PTPRT: variants seen among roughly 807,000 people sequenced by gnomAD.
The protein encoded by PTPRT is receptor-type tyrosine-protein phosphatase T.
Under a neutral mutation model 176.8 loss-of-function variants are expected in PTPRT, and 56 were observed. The observed-to-expected ratio is 0.32, with a 90% CI of 0.26 to 0.40. The LOEUF is 0.40. Among genes scored for constraint, PTPRT ranks in the 10% least tolerant of loss-of-function variants. PTPRT has a pLI of 1.00. For synonymous variants in PTPRT, 783 were observed against 739.0 expected (o/e 1.06, Z -0.96); for missense variants, 1,540 against 1,908.2 (o/e 0.81, Z 3.60).
chr20:42,549,440 G>T (rs1252644784), intron 7 of PTPRT, among the ~76,000 whole-genome samples: 1 of 152,106 alleles, frequency 6.6e-6, no homozygotes. Context: ...CAGTGGGGTT[G>T]GGGAGGGACA....
chr20:42,829,686 A>G (rs1356764798), intron 2 of PTPRT, among the ~76,000 whole-genome samples: 2 of 152,200 alleles, frequency 1.3e-5, no homozygotes, highest in Non-Finnish European at 2.9e-5. Flanking sequence ...TTTTTTGAAA[A>G]AGTTAATAAA....
At chr20:42,580,353 G>A (rs550745308) in intron 7 of PTPRT, among the ~76,000 whole-genome samples, 7 of 152,110 alleles carry the variant, frequency 4.6e-5, no homozygotes, top group South Asian at 2.1e-4. Context: ...CTCCAGCTTT[G>A]TTCTTTTGGC....
chr20:42,195,390 C>T (rs1410827770), intron 16 of PTPRT, among the ~76,000 whole-genome samples: 1 of 152,174 alleles, frequency 6.6e-6, no homozygotes, highest in Admixed American at 6.5e-5. Context: ...CAGTCACTTC[C>T]CTAATGCCAC....
At chr20:43,173,231 G>C (rs1415207346) in intron 1 of PTPRT, among the ~76,000 whole-genome samples, 2 of 152,148 alleles carry the variant, frequency 1.3e-5, no homozygotes, top group African/African-American at 4.8e-5. Context: ...TACCAAAAGG[G>C]CATGTTAGAA....
chr20:42,143,085 T>A (rs1193581868), intron 17 of PTPRT, among the ~76,000 whole-genome samples: 2 of 152,166 alleles, frequency 1.3e-5, no homozygotes, highest in Non-Finnish European at 2.9e-5. Flanking sequence ...CCAGATTATA[T>A]AAGACATTGC....
chr20:43,100,826 G>A (rs535387513), intron 1 of PTPRT, among the ~76,000 whole-genome samples: 10 of 152,284 alleles, frequency 6.6e-5, no homozygotes, highest in African/African-American at 1.4e-4. Context: ...CCTAGGCTAC[G>A]TTATGAAGAT....
chr20:43,130,420 A>AG (rs1476403055), intron 1 of PTPRT, among the ~76,000 whole-genome samples: 1 of 152,172 alleles, frequency 6.6e-6, no homozygotes, highest in Non-Finnish European at 1.5e-5. Flanking sequence ...TACCAATTCA[A>AG]GGGGAACTGT....
the PTPRT span, among the ~76,000 whole-genome samples, chr20:42,037,111 G>C: frequency 6.6e-6 from 1 of 152,136 alleles, no homozygotes; most frequent in Admixed American, 6.6e-5. Context: ...CTCACACATG[G>C]ATCAATTGTT....
intron 3 of PTPRT, among the ~76,000 whole-genome samples, chr20:42,790,845 A>G (rs2077364171): frequency 6.6e-6 from 1 of 152,182 alleles, no homozygotes; most frequent in East Asian, 1.9e-4. Flanking sequence ...TCCGAACCTC[A>G]ATCTTTTCAT....
chr20:42,086,743 A>AT lies in PTPRT; in HGVS notation c.3847-891_3847-890insA, dbSNP rs1436136131. The stretch of plus-strand genomic sequence containing the variant: ...CTCCATCTCAAAAAAAAAAAAAAAA[A>AT]AAAAAAAAAAATATATATATATATG... On this transcript the variant is annotated intron_variant, in intron 27 of 30. Transcript: ENST00000373187. Among the ~76,000 whole-genome samples, 46 of 38,310 alleles carry AT rather than the reference A, an allele frequency of 1.2e-3. 3 individuals are homozygous for AT. Among genetic ancestry groups the AT allele is most frequent in the African/African-American group, 4.6e-3 (43 of 9,252 alleles). 25.1% of individuals were successfully genotyped at this position (38,310 alleles called of 152,430 possible).
At chr20:42,938,674 T>TC (rs1049172292) in intron 1 of PTPRT, among the ~76,000 whole-genome samples, 9 of 151,758 alleles carry the variant, frequency 5.9e-5, no homozygotes, top group Non-Finnish European at 1.0e-4. Flanking sequence ...CCTAACTCCC[T>TC]CCCCCCCATG....
intron 9 of PTPRT, among the ~76,000 whole-genome samples, chr20:42,365,098 C>T (rs927154998): frequency 3.3e-5 from 5 of 152,096 alleles, no homozygotes; most frequent in African/African-American, 1.2e-4. Context: ...TTTCTTTAAC[C>T]CAAGGTATCC....
intron 1 of PTPRT, among the ~76,000 whole-genome samples, chr20:42,996,643 C>T (rs146935207): frequency 1.8e-4 from 27 of 152,208 alleles, no homozygotes; most frequent in African/African-American, 5.8e-4. Flanking sequence ...GAAAAAAATT[C>T]TTATCTACCT....
chr20:42,181,575 T>C (rs560722822), intron 16 of PTPRT, among the ~76,000 whole-genome samples: 1 of 152,216 alleles, frequency 6.6e-6, no homozygotes, highest in Non-Finnish European at 1.5e-5. Flanking sequence ...GTCATCGCTA[T>C]GTCTGCAGGT....
chr20:42,107,366 C>T (rs550904953), intron 23 of PTPRT, among the ~76,000 whole-genome samples: 50 of 152,298 alleles, frequency 3.3e-4, no homozygotes, highest in Non-Finnish European at 5.3e-4. Flanking sequence ...TGGAGCACCA[C>T]GTTCAAAGGC....
At chr20:43,107,223 A>G (rs931812237) in intron 1 of PTPRT, among the ~76,000 whole-genome samples, 1 of 152,226 alleles carries the variant, frequency 6.6e-6, no homozygotes. Context: ...GAGTCAAATA[A>G]GGAAGAAAAT....
intron 9 of PTPRT, among the ~76,000 whole-genome samples, chr20:42,442,553 C>T (rs1322067364): frequency 6.6e-6 from 1 of 152,192 alleles, no homozygotes; most frequent in East Asian, 1.9e-4. Flanking sequence ...CTTTAAGCTT[C>T]TCAGATTTAT....
At chr20:42,893,411 T>G (rs1469710450) in intron 1 of PTPRT, among the ~76,000 whole-genome samples, 2 of 151,872 alleles carry the variant, frequency 1.3e-5, no homozygotes, top group Non-Finnish European at 2.9e-5. Flanking sequence ...ACACTGTTGG[T>G]GGGACTGTAA....
At chr20:42,861,737 C>T (rs866686979) in intron 2 of PTPRT, among the ~76,000 whole-genome samples, 7 of 152,140 alleles carry the variant, frequency 4.6e-5, no homozygotes, top group Middle Eastern at 3.4e-3. Context: ...TTCAAAAAGG[C>T]TAGTCAGAGA....
Sources: gnomAD v4.1 joint callset for allele counts (sites outside exome capture counted in the v4.1 genomes callset) on GRCh38, gnomAD v4.1.1 for gene constraint, MANE v1.5 for transcripts, NCBI Gene and HGNC (gene_info 2026-07-23, HGNC 2026-07-21) for gene names.